The following GRIA2 variants were observed in gnomAD, a reference collection of about 807,000 sequenced individuals.
GRIA2 encodes the protein glutamate receptor 2.
In GRIA2, 14 loss-of-function variants were observed where a neutral mutation model predicts 97.3. The observed-to-expected ratio is 0.14, with a 90% CI of 0.10 to 0.23. The LOEUF is 0.23. Among genes scored for constraint, GRIA2 ranks in the 10% least tolerant of loss-of-function variants. The probability of loss-of-function intolerance (pLI) is 1.00; values close to 1 mark genes in which losing one functional copy is unlikely to be tolerated. For missense variants in GRIA2, 558 were observed against 1,069.8 expected, an observed-to-expected ratio of 0.52 and a Z score of 6.67; for synonymous variants, 412 against 387.8, an observed-to-expected ratio of 1.06 and a Z score of -0.73.
intron 2 of GRIA2, among the ~76,000 whole-genome samples, chr4:157,241,304 T>C (rs1315659849): frequency 6.6e-6 from 1 of 152,134 alleles, no homozygotes; most frequent in East Asian, 1.9e-4. Flanking sequence ...TCTTGTTTTT[T>C]GTGCATTTAT....
chr4:157,328,419 A>G (rs1734904248), intron 6 of GRIA2, among the ~76,000 whole-genome samples: 1 of 151,986 alleles, frequency 6.6e-6, no homozygotes, highest in African/African-American at 2.4e-5. Context: ...TAGGCAGACA[A>G]CTCTGATCTC....
chr4:157,333,960 T>C, intron 8 of GRIA2, 50 bp from the exon 9 acceptor site: 1 of 850,068 alleles, frequency 1.2e-6, no homozygotes. Flanking sequence ...AATGCTTTGC[T>C]AATAGACAAG....
At position 157,221,656 on chromosome 4, in the gene GRIA2, G is replaced by T. The variant is rs1461863675; in HGVS notation, c.89-11G>T. 6.2e-7 allele frequency: 1 copy of T among 1,613,740 alleles called. No homozygotes were observed. ...GACACTGTTCTCTTGCTTGCTGTTT[G>T]TTCTTTGCAGGGGGGCTATTTCCTA... is the stretch of plus-strand genomic sequence containing the variant. On this transcript the variant is annotated splice_polypyrimidine_tract_variant and intron_variant, in intron 1 of 15. Coordinates refer to ENST00000264426, the MANE Select transcript of GRIA2 (RefSeq NM_001083619.3).
Position 157,312,849 on chromosome 4 carries a change from G to A in GRIA2, c.640G>A (p.Asp214Asn). The A allele has an allele frequency of 6.2e-7, 1 of 1,602,182 alleles. No individual in the cohort carries two copies. The highest frequency in any genetic ancestry group is 8.5e-7 in the Non-Finnish European group (1 of 1,173,722). The change falls in exon 4 of 16, where the codon GAT becomes AAT. Residue 214 changes from aspartate (D) to asparagine (N), a missense_variant. This residue lies in a region of GRIA2 where 173 missense variants were observed against 209.1 expected (regional missense o/e 0.83). Transcript: ENST00000264426. ...ERRVILDCER[D>N]KVNDIVDQVI... ...GCGTGTAATTCTGGACTGTGAAAGGGATAAAGTAAACGACATTGTAGACCA... is the reference window on the plus strand; with the variant it reads ...GCGTGTAATTCTGGACTGTGAAAGGAATAAAGTAAACGACATTGTAGACCA...
At chr4:157,294,686 G>A (rs1458087760) in intron 2 of GRIA2, among the ~76,000 whole-genome samples, 4 of 152,050 alleles carry the variant, frequency 2.6e-5, no homozygotes, top group Non-Finnish European at 5.9e-5. Flanking sequence ...TCTCTTTGAT[G>A]TTCAGCCACA....
chr4:157,235,623 G>C (rs1487175410), intron 2 of GRIA2, among the ~76,000 whole-genome samples: 1 of 152,026 alleles, frequency 6.6e-6, no homozygotes, highest in East Asian at 1.9e-4. Context: ...AACTTGGGTA[G>C]CCAAATGAGT....
intron 1 of GRIA2, 100 bp from the exon 2 acceptor site, chr4:157,221,567 T>G (rs909940866): frequency 8.2e-7 from 1 of 1,221,818 alleles, no homozygotes; most frequent in Non-Finnish European, 1.2e-6. Flanking sequence ...CCTATTCGCG[T>G]GAATAAGAGA....
chr4:157,276,177 G>A (rs943093757), intron 2 of GRIA2, among the ~76,000 whole-genome samples: 4 of 152,014 alleles, frequency 2.6e-5, no homozygotes, highest in Non-Finnish European at 4.4e-5. Context: ...TCTGTTATTG[G>A]TGTATAAGAA....
intron 2 of GRIA2, among the ~76,000 whole-genome samples, chr4:157,251,252 A>G (rs935349515): frequency 2.0e-5 from 3 of 152,128 alleles, no homozygotes; most frequent in African/African-American, 7.2e-5. Context: ...AATGTCTCAG[A>G]AAGTATTTAA....
intron 4 of GRIA2, 115 bp downstream of exon 4, chr4:157,312,990 A>T: frequency 1.8e-6 from 1 of 568,730 alleles, no homozygotes; most frequent in Non-Finnish European, 3.0e-6. Context: ...TTTATGTTTT[A>T]TGTCGGATGC....
chr4:157,327,041 T>C (rs190248225), intron 6 of GRIA2, among the ~76,000 whole-genome samples: 79 of 152,290 alleles, frequency 5.2e-4, no homozygotes, highest in African/African-American at 1.8e-3. Flanking sequence ...TTGTTACATC[T>C]GCCTTTTCTC....
intron 2 of GRIA2, among the ~76,000 whole-genome samples, chr4:157,275,403 T>C (rs1313447562): frequency 6.6e-6 from 1 of 152,200 alleles, no homozygotes; most frequent in East Asian, 1.9e-4. Flanking sequence ...TTGGCTTTTG[T>C]TGCCATTGCT....
chr4:157,363,682 G>A lies in GRIA2; in HGVS notation c.*251G>A, dbSNP rs1241648922. The A allele has an allele frequency of 3.1e-5, 22 of 712,704 alleles. No homozygotes were observed. The highest frequency in any genetic ancestry group is 4.3e-5 in the Non-Finnish European group (22 of 512,164). 44.1% of individuals were successfully genotyped at this position (712,704 alleles called of 1,614,324 possible). ...AGTGGTGAGAGGCATCCAGTATCTT[G>A]AAGACTTTTCTTTCAGCCAAGAATT... On this transcript the variant is annotated 3_prime_UTR_variant, in exon 16 of 16. Coordinates refer to ENST00000264426, the MANE Select transcript of GRIA2 (RefSeq NM_001083619.3).
intron 4 of GRIA2, among the ~76,000 whole-genome samples, chr4:157,313,708 A>G (rs1734186389): frequency 6.6e-6 from 1 of 151,724 alleles, no homozygotes; most frequent in Non-Finnish European, 1.5e-5. Flanking sequence ...TTCCTAGCTG[A>G]AAATGTGTGT....
At chr4:157,267,780 C>T (rs1244618417) in intron 2 of GRIA2, among the ~76,000 whole-genome samples, 1 of 151,928 alleles carries the variant, frequency 6.6e-6, no homozygotes, top group African/African-American at 2.4e-5. Context: ...TTTTTGAATT[C>T]TTCTTGACAT....
chr4:157,221,598 A>C, intron 1 of GRIA2, 69 bp from the exon 2 acceptor site: 7 of 1,498,148 alleles, frequency 4.7e-6, no homozygotes, highest in South Asian at 1.2e-5. Flanking sequence ...TTTGGGCGCT[A>C]GCGCGCGCCC....
chr4:157,256,248 T>A (rs1379295906), intron 2 of GRIA2, among the ~76,000 whole-genome samples: 1 of 100,888 alleles, frequency 9.9e-6, no homozygotes, highest in Non-Finnish European at 2.0e-5. Flanking sequence ...ATATATATAA[T>A]ATATAAATTA....
chr4:157,226,907 T>A (rs1358190802), intron 2 of GRIA2, among the ~76,000 whole-genome samples: 1 of 152,120 alleles, frequency 6.6e-6, no homozygotes, highest in Non-Finnish European at 1.5e-5. Context: ...TATATTCAAT[T>A]GCAGATTTTG....
rs138617996 is a variant in GRIA2 at position 157,354,643 on chromosome 4, G to A, written c.2044-5253G>A. ...TGTGATGGCAGATGTTGTTACTGGT[G>A]CACTGGGTTCTTGCAGTCTCCCAGG... On this transcript the variant is annotated intron_variant, in intron 12 of 15. Transcript: ENST00000264426. Among the ~76,000 whole-genome samples the A allele has an allele frequency of 5.9e-5, 9 of 152,254 alleles. No individual in the cohort carries two copies. The South Asian group carries it at 1.0e-3, about 18-fold the overall frequency.
Sources: allele counts gnomAD v4.1 joint callset (sites outside exome capture counted in the v4.1 genomes callset), GRCh38; gene constraint gnomAD v4.1.1; regional missense constraint gnomAD v4.1.1; transcripts MANE v1.5; gene names NCBI Gene and HGNC (gene_info 2026-07-23, HGNC 2026-07-21).